CERT1: variants seen among roughly 807,000 people sequenced by gnomAD.
The protein encoded by CERT1 is ceramide transporter 1, also known as ceramide transfer protein.
Under a neutral mutation model 87.9 loss-of-function variants are expected in CERT1, and 31 were observed. The observed-to-expected ratio is 0.35, with a 90% confidence interval of 0.27 to 0.48. The LOEUF (loss-of-function observed/expected upper bound fraction) is 0.48, where lower values mean the gene tolerates loss of function less well. CERT1 is among the 20% of genes least tolerant of loss of function. The probability of loss-of-function intolerance (pLI) is 0.99; values close to 1 mark genes in which losing one functional copy is unlikely to be tolerated. For missense variants in CERT1, 487 were observed against 758.0 expected, an observed-to-expected ratio of 0.64 and a Z score of 4.20; for synonymous variants, 289 against 250.9, an observed-to-expected ratio of 1.15 and a Z score of -1.44.
rs749961490 is a variant in CERT1 at position 75,426,470 on chromosome 5, A to T, written c.357T>A (p.Ser119=). 8 of 1,608,572 alleles carry T rather than the reference A, an allele frequency of 5.0e-6. No individual in the cohort carries two copies. Residue 119 remains serine (S), a synonymous_variant, in exon 4 of 17, where the codon TCT becomes TCA. Coordinates refer to ENST00000643780, the MANE Select transcript of CERT1 (RefSeq NM_001379029.1). ...GCAAGCTGGATTCAGATCCATATCC[A>T]GATTCAGTCTAAAAAAAAAAGTAAA... ...IDAIEQHKTE[S]GYGSESSLRR...
chr5:75,467,693 T>C (rs969120952), intron 2 of CERT1, among the ~76,000 whole-genome samples: 4 of 134,726 alleles, frequency 3.0e-5, no homozygotes, highest in Admixed American at 7.3e-5. Flanking sequence ...TATGGGGCAA[T>C]AAAACAGTTC....
At chr5:75,469,278 A>C (rs1038681159) in intron 2 of CERT1, among the ~76,000 whole-genome samples, 3 of 152,166 alleles carry the variant, frequency 2.0e-5, no homozygotes, top group African/African-American at 7.2e-5. Flanking sequence ...AAAAGAAGTA[A>C]GATTGAAAAG....
chr5:75,390,553 C>A (rs1180215462), intron 11 of CERT1, among the ~76,000 whole-genome samples: 1 of 151,942 alleles, frequency 6.6e-6, no homozygotes, highest in African/African-American at 2.4e-5. Context: ...GCAAAGAAAG[C>A]TGAATATTTC....
intron 3 of CERT1, among the ~76,000 whole-genome samples, chr5:75,453,562 T>C (rs1159020091): frequency 1.3e-5 from 2 of 152,328 alleles, no homozygotes; most frequent in Admixed American, 6.5e-5. Context: ...GTCTGAATGC[T>C]GACTTCTTCA....
intron 14 of CERT1, among the ~76,000 whole-genome samples, chr5:75,382,876 G>A (rs953863302): frequency 2.0e-5 from 3 of 151,914 alleles, no homozygotes; most frequent in African/African-American, 4.8e-5. Flanking sequence ...TGTGGAGACA[G>A]TAAGTAATAC....
At chr5:75,459,711 T>A (rs1765146489) in intron 2 of CERT1, among the ~76,000 whole-genome samples, 1 of 152,052 alleles carries the variant, frequency 6.6e-6, no homozygotes, top group Non-Finnish European at 1.5e-5. Context: ...ATGCATGTAA[T>A]CCCAGCACTT....
chr5:75,414,086 A>G (rs535171665), intron 7 of CERT1, among the ~76,000 whole-genome samples: 3 of 152,266 alleles, frequency 2.0e-5, no homozygotes, highest in African/African-American at 4.8e-5. Flanking sequence ...CTACTATTAA[A>G]TATAACAACA....
At chr5:75,380,874 ATAG>A (rs1441432320) in intron 16 of CERT1, among the ~76,000 whole-genome samples, 195 bp downstream of exon 16, 2 of 152,020 alleles carry the variant, frequency 1.3e-5, no homozygotes, top group Non-Finnish European at 2.9e-5. Flanking sequence ...AAATACTCAT[ATAG>A]TAGTAGTTCC....
At position 75,400,683 on chromosome 5, in the gene CERT1, T is replaced by C. The variant is rs914064394; in HGVS notation, c.1018-386A>G. ...CCTTAGCAGGCCGCCCCTGGAAGGC[T>C]GACTCACAGGTTTATATATAATTAG... On this transcript the variant is annotated intron_variant, in intron 9 of 16. Transcript: ENST00000643780. 2.4e-5 allele frequency: 4 copies of C among 167,890 alleles called. No individual in the cohort carries two copies. In the Admixed American group the frequency reaches 2.5e-4, roughly 10 times the overall value. The allele number at this position is 167,890 out of a possible 1,614,324, so 10.4% of individuals were successfully genotyped here. A position where few individuals can be genotyped will look rare whatever the true frequency, so the allele number is the denominator to read the frequency against.
At chr5:75,470,154 GA>G (rs1423895261) in intron 2 of CERT1, among the ~76,000 whole-genome samples, 1 of 152,062 alleles carries the variant, frequency 6.6e-6, no homozygotes, top group Non-Finnish European at 1.5e-5. Context: ...CATCTAGAGA[GA>G]AAATTAACAA....
chr5:75,385,879 A>G, intron 13 of CERT1, 23 bp downstream of exon 13: 1 of 1,416,186 alleles, frequency 7.1e-7, no homozygotes. Flanking sequence ...ATAGATTAAA[A>G]TATATTAATA....
intron 3 of CERT1, among the ~76,000 whole-genome samples, chr5:75,431,337 A>C (rs771298223): frequency 6.6e-6 from 1 of 152,112 alleles, no homozygotes; most frequent in Non-Finnish European, 1.5e-5. Flanking sequence ...TCCTGTGTTA[A>C]TTCACTTAGG....
chr5:75,508,105 A>G (rs1767740229), intron 1 of CERT1, among the ~76,000 whole-genome samples: 1 of 152,204 alleles, frequency 6.6e-6, no homozygotes, highest in South Asian at 2.1e-4. Context: ...CAAAACTTAC[A>G]TGGACAACTT....
intron 1 of CERT1, among the ~76,000 whole-genome samples, chr5:75,510,738 C>A (rs967611101): frequency 1.3e-5 from 2 of 152,114 alleles, no homozygotes; most frequent in Non-Finnish European, 2.9e-5. Flanking sequence ...TCAGAGAGAC[C>A]AACCTCTTTT....
At chr5:75,485,674 A>G (rs1357900537) in intron 2 of CERT1, among the ~76,000 whole-genome samples, 1 of 152,124 alleles carries the variant, frequency 6.6e-6, no homozygotes, top group Non-Finnish European at 1.5e-5. Context: ...ATGAAAAGGG[A>G]GACATTATAA....
At chr5:75,506,629 T>C (rs1003238721) in intron 1 of CERT1, among the ~76,000 whole-genome samples, 3 of 152,180 alleles carry the variant, frequency 2.0e-5, no homozygotes, top group African/African-American at 7.2e-5. Flanking sequence ...TATATGAAAA[T>C]TTATAACAGC....
chr5:75,495,141 T>C (rs1207904884), intron 2 of CERT1, among the ~76,000 whole-genome samples: 4 of 152,252 alleles, frequency 2.6e-5, no homozygotes, highest in Non-Finnish European at 2.9e-5. Context: ...TTTCAAGTGA[T>C]GAATCCTCAT....
chr5:75,404,913 A>C (rs1762643956), intron 8 of CERT1, among the ~76,000 whole-genome samples: 1 of 152,094 alleles, frequency 6.6e-6, no homozygotes, highest in Non-Finnish European at 1.5e-5. Context: ...AGGAGGAGGC[A>C]CAATAATTGC....
chr5:75,382,660 GA>G (rs1257997766), intron 14 of CERT1, among the ~76,000 whole-genome samples: 1 of 150,916 alleles, frequency 6.6e-6, no homozygotes, highest in South Asian at 2.1e-4. Flanking sequence ...CTTTAAATGA[GA>G]AAAAAAACCT....
Sources: gnomAD v4.1 joint callset for allele counts (sites outside exome capture counted in the v4.1 genomes callset) on GRCh38, gnomAD v4.1.1 for gene constraint, MANE v1.5 for transcripts, NCBI Gene and HGNC (gene_info 2026-07-23, HGNC 2026-07-21) for gene names.